Variants in KIF26B observed in about 807,000 individuals in gnomAD.
KIF26B encodes kinesin-like protein KIF26B.
KIF26B carries 63 observed loss-of-function variants against 151.2 expected under a neutral mutation model. That is an observed-to-expected ratio of 0.42 (90% CI 0.34 to 0.51). The LOEUF (loss-of-function observed/expected upper bound fraction) is 0.51, where lower values mean the gene tolerates loss of function less well. Among genes scored for constraint, KIF26B ranks in the 20% least tolerant of loss-of-function variants. The pLI is 0.07. For missense variants in KIF26B, 2,813 were observed against 2,913.6 expected (o/e 0.97, Z 0.79); for synonymous variants, 1,357 against 1,262.1 (o/e 1.08, Z -1.59).
intron 2 of KIF26B, among the ~76,000 whole-genome samples, chr1:245,251,590 T>C (rs1670445619): frequency 6.6e-6 from 1 of 152,210 alleles, no homozygotes; most frequent in Non-Finnish European, 1.5e-5. Flanking sequence ...AACTGGAGGT[T>C]ATTTTTGTGA....
intron 4 of KIF26B, among the ~76,000 whole-genome samples, chr1:245,470,000 C>T (rs972636458): frequency 3.3e-5 from 5 of 150,390 alleles, no homozygotes; most frequent in African/African-American, 7.4e-5. Context: ...AGTTGGTTGG[C>T]GGGAGTCTCG....
At chr1:245,485,525 A>G (rs895411595) in intron 4 of KIF26B, among the ~76,000 whole-genome samples, 2 of 151,930 alleles carry the variant, frequency 1.3e-5, no homozygotes, top group African/African-American at 4.8e-5. Context: ...CTGGGATTAC[A>G]GGCGCCTGCC....
At chr1:245,627,922 C>A (rs565383407) in intron 9 of KIF26B, among the ~76,000 whole-genome samples, 38 of 152,294 alleles carry the variant, frequency 2.5e-4, no homozygotes, top group African/African-American at 8.9e-4. Context: ...CCTCCCAAGA[C>A]TAAACCAGGA....
chr1:245,457,373 C>A (rs1419446735), intron 4 of KIF26B, among the ~76,000 whole-genome samples: 1 of 152,192 alleles, frequency 6.6e-6, no homozygotes, highest in East Asian at 1.9e-4. Flanking sequence ...GTTAGCGGAA[C>A]ATCACAGAGG....
chr1:245,591,677 G>C (rs908659269), intron 5 of KIF26B, among the ~76,000 whole-genome samples: 1 of 152,156 alleles, frequency 6.6e-6, no homozygotes, highest in African/African-American at 2.4e-5. Flanking sequence ...ATTCACACCT[G>C]AGAACGCCTG....
intron 3 of KIF26B, among the ~76,000 whole-genome samples, chr1:245,410,261 C>T (rs1413566311): frequency 2.0e-5 from 3 of 152,152 alleles, no homozygotes; most frequent in Non-Finnish European, 2.9e-5. Flanking sequence ...GAACACACCT[C>T]GTGACATCTA....
At chr1:245,276,570 G>A (rs564911118) in intron 2 of KIF26B, among the ~76,000 whole-genome samples, 1 of 152,154 alleles carries the variant, frequency 6.6e-6, no homozygotes, top group Non-Finnish European at 1.5e-5. Context: ...CCCTTGAAAA[G>A]CCTGGACATT....
chr1:245,425,463 G>A (rs936979183), intron 4 of KIF26B, among the ~76,000 whole-genome samples: 1 of 152,190 alleles, frequency 6.6e-6, no homozygotes, highest in East Asian at 1.9e-4. Flanking sequence ...CTGGAGTGCA[G>A]TGGTGCAATC....
intron 2 of KIF26B, among the ~76,000 whole-genome samples, chr1:245,232,538 T>C (rs1320014032): frequency 6.6e-6 from 1 of 151,852 alleles, no homozygotes; most frequent in Non-Finnish European, 1.5e-5. Flanking sequence ...AGCAAATACA[T>C]GTGGTTTCAT....
intron 9 of KIF26B, among the ~76,000 whole-genome samples, chr1:245,644,294 T>C (rs2103183815): frequency 6.6e-6 from 1 of 152,328 alleles, no homozygotes; most frequent in African/African-American, 2.4e-5. Flanking sequence ...CTATATTTTT[T>C]TTATCTCACA....
intron 3 of KIF26B, among the ~76,000 whole-genome samples, chr1:245,407,315 T>C (rs1674158285): frequency 6.6e-6 from 1 of 152,206 alleles, no homozygotes; most frequent in Non-Finnish European, 1.5e-5. Context: ...TTGCCCCATA[T>C]TCCAGAGAAT....
At chr1:245,195,920 G>A (rs1022168764) in intron 2 of KIF26B, among the ~76,000 whole-genome samples, 1 of 152,124 alleles carries the variant, frequency 6.6e-6, no homozygotes, top group African/African-American at 2.4e-5. Flanking sequence ...CTAATAGATG[G>A]GTAAGATTTT....
intron 5 of KIF26B, among the ~76,000 whole-genome samples, chr1:245,545,384 G>A (rs913931528): frequency 1.3e-5 from 2 of 152,204 alleles, no homozygotes; most frequent in African/African-American, 2.4e-5. Flanking sequence ...TTACAGGCAT[G>A]AGCCACCATG....
At chr1:245,515,957 T>A (rs1283168320) in intron 4 of KIF26B, among the ~76,000 whole-genome samples, 2 of 152,112 alleles carry the variant, frequency 1.3e-5, no homozygotes, top group Non-Finnish European at 2.9e-5. Context: ...GGCAGCATGG[T>A]CAGGGAAGGG....
rs557281668 is a variant in KIF26B at position 245,685,626 on chromosome 1, C to T, written c.2643C>T (p.Thr881=). The change falls in exon 12 of 15, where the codon ACC becomes ACT. Residue 881 remains threonine, a synonymous_variant. Transcript: ENST00000407071. Reference sequence around the variant, plus strand: ...CGGCCCTCTCTGACAAGGAGCTCACCGACAACGAGGGCCCCCCAGACTTTG... The same window carrying T: ...CGGCCCTCTCTGACAAGGAGCTCACTGACAACGAGGGCCCCCCAGACTTTG... The part of the protein sequence containing the change: ...NGTALSDKEL[T]DNEGPPDFVP... 1.2e-4 allele frequency: 193 copies of T among 1,613,502 alleles called. 2 individuals carry two copies. The South Asian group carries it at 1.8e-3, about 15-fold the overall frequency.
intron 2 of KIF26B, among the ~76,000 whole-genome samples, chr1:245,363,231 C>T (rs190089527): frequency 4.6e-5 from 7 of 152,376 alleles, no homozygotes; most frequent in African/African-American, 1.7e-4. Context: ...GAGTCTCGCT[C>T]TGTTGTCCAG....
chr1:245,289,813 A>G (rs914811122), intron 2 of KIF26B, among the ~76,000 whole-genome samples: 3 of 152,216 alleles, frequency 2.0e-5, no homozygotes, highest in African/African-American at 7.2e-5. Context: ...GAAACAATAC[A>G]TGTTATCCTC....
intron 3 of KIF26B, among the ~76,000 whole-genome samples, chr1:245,387,592 C>T (rs2103020389): frequency 6.6e-6 from 1 of 152,196 alleles, no homozygotes; most frequent in East Asian, 1.9e-4. Flanking sequence ...CTTTGGGAGG[C>T]TGGGGCGGGA....
In KIF26B at chr1:245,708,280, G is replaced by A. The variant is rs2044866507; in HGVS notation, c.*5674G>A. The A allele has an allele frequency of 6.6e-6, 1 of 152,236 alleles. No individual in the cohort carries two copies. The highest frequency in any genetic ancestry group is 6.5e-5 in the Admixed American group (1 of 15,288). The allele number at this position is 152,236 out of a possible 1,614,324, so 9.4% of individuals were successfully genotyped here. A position where few individuals can be genotyped will look rare whatever the true frequency, so the allele number is the denominator to read the frequency against. On this transcript the variant is annotated 3_prime_UTR_variant, in exon 15 of 15. Coordinates refer to ENST00000407071, the MANE Select transcript of KIF26B (RefSeq NM_018012.4). ...TGGGAAGTGCTTTGAAGAAATTAAA[G>A]GTCTGTCTAGGAGCTGGGGGTAATC... is the stretch of plus-strand genomic sequence containing the variant.
Sources: allele counts gnomAD v4.1 joint callset (sites outside exome capture counted in the v4.1 genomes callset), GRCh38; gene constraint gnomAD v4.1.1; transcripts MANE v1.5; gene names NCBI Gene and HGNC (gene_info 2026-07-23, HGNC 2026-07-21).